The following PILRA variants were observed in gnomAD, a reference collection of about 807,000 sequenced individuals.
PILRA encodes paired immunoglobulin-like type 2 receptor alpha.
A neutral mutation model predicts 33.1 loss-of-function variants in PILRA; 37 were observed. The ratio of observed to expected loss-of-function variants is 1.12; its 90% CI spans 0.86 to 1.47. PILRA has a LOEUF of 1.47. PILRA is among the 40% of genes most tolerant of loss of function. The probability of loss-of-function intolerance (pLI) is 0.00; values close to 1 mark genes in which losing one functional copy is unlikely to be tolerated. For synonymous variants in PILRA, 146 were observed against 149.9 expected, an observed-to-expected ratio of 0.97 and a Z score of 0.19; for missense variants, 312 against 376.2, an observed-to-expected ratio of 0.83 and a Z score of 1.41.
At position 100,394,690 on chromosome 7, in the gene PILRA, G is replaced by A. The variant is rs139905977; in HGVS notation, c.674-3189G>A. On this transcript the variant is annotated intron_variant, in intron 3 of 6. Transcript: ENST00000198536. ...ACAGAGTCTAGAAATAAACCCTTGC[G>A]CATATGGTCAAAAGACTTGACAAGG... Among the ~76,000 whole-genome samples, 275 of 151,572 alleles carry A rather than the reference G, an allele frequency of 1.8e-3. 1 individual carries two copies. The highest frequency in any genetic ancestry group is 6.3e-3 in the African/African-American group (261 of 41,312).
At chr7:100,395,527 T>C (rs1239913665) in intron 3 of PILRA, among the ~76,000 whole-genome samples, 1 of 152,136 alleles carries the variant, frequency 6.6e-6, no homozygotes, top group African/African-American at 2.4e-5. Context: ...AAGAAACAAA[T>C]TTGTTTTTTT....
intron 3 of PILRA, among the ~76,000 whole-genome samples, chr7:100,395,993 G>T (rs1303545895): frequency 6.6e-6 from 1 of 151,952 alleles, no homozygotes. Flanking sequence ...GTGTGGTGGC[G>T]GGCACCTGTA....
At position 100,397,852 on chromosome 7, in the gene PILRA, CCTGA is replaced by C. The variant is rs1317718732; in HGVS notation, c.674-24_674-21del. 4 of 1,612,646 alleles carry C rather than the reference CCTGA, an allele frequency of 2.5e-6. No individual in the cohort carries two copies. The African/African-American group carries it at 4.0e-5, about 16-fold the overall frequency. ...GAGACTGCCATCACCCGGATGCCAC[CCTGA>C]CTCACTGTTGGTCCCCCTACAGGTC... On this transcript the variant is annotated intron_variant, in intron 3 of 6. Coordinates refer to ENST00000198536, the MANE Select transcript of PILRA (RefSeq NM_013439.3).
chr7:100,377,730 A>G (rs1790987764), intron 2 of PILRA, among the ~76,000 whole-genome samples: 1 of 152,090 alleles, frequency 6.6e-6, no homozygotes, highest in Non-Finnish European at 1.5e-5. Flanking sequence ...TGAGTGACAG[A>G]GCAAGGCTTC....
At chr7:100,386,004 A>G (rs1030767574) in intron 2 of PILRA, among the ~76,000 whole-genome samples, 1 of 150,458 alleles carries the variant, frequency 6.6e-6, no homozygotes, top group African/African-American at 2.5e-5. Flanking sequence ...ATCTCAGCTC[A>G]CTGCAATCTC....
intron 5 of PILRA, 24 bp from the exon 6 acceptor site, chr7:100,399,557 G>T (rs1374711651): frequency 6.2e-7 from 1 of 1,613,978 alleles, no homozygotes; most frequent in Non-Finnish European, 8.5e-7. Context: ...CCTGACCTTG[G>T]CACACCTTGC....
intron 3 of PILRA, among the ~76,000 whole-genome samples, chr7:100,396,296 C>G (rs1791491552): frequency 6.6e-6 from 1 of 152,114 alleles, no homozygotes. Flanking sequence ...AGATGTCCAT[C>G]AATGAATGAA....
At position 100,399,783 on chromosome 7, in the gene PILRA, A is replaced by C; in HGVS notation, c.790-2A>C. On this transcript the variant is annotated splice_acceptor_variant, in intron 6 of 6. Transcript: ENST00000198536. LOFTEE classifies it high-confidence loss of function. ...ACCCTTTCTCTCTGGGTTCTCGCCC[A>C]GGATGACGGCATCGTCTATGCTTCC... 6.2e-7 allele frequency: 1 copy of C among 1,610,332 alleles called. No individual in the cohort carries two copies. Among genetic ancestry groups the C allele is most frequent in the South Asian group, 1.1e-5 (1 of 90,642 alleles).
chr7:100,373,345 C>A, upstream of PILRA: 1 of 543,070 alleles, frequency 1.8e-6, no homozygotes, highest in African/African-American at 1.9e-5. Flanking sequence ...AGGTCAGGCC[C>A]AGCCCCCCAA....
chr7:100,398,402 T>C (rs1471457821), intron 4 of PILRA, among the ~76,000 whole-genome samples: 1 of 152,140 alleles, frequency 6.6e-6, no homozygotes, highest in Non-Finnish European at 1.5e-5. Flanking sequence ...GGCTCCCCTC[T>C]CCAGGCTAGG....
At chr7:100,388,749 CAAAAAAAAAAAA>C (rs913179599) in intron 2 of PILRA, among the ~76,000 whole-genome samples, 203 of 12,864 alleles carry the variant, frequency 0.016, 2 homozygotes, top group Middle Eastern at 0.033. Context: ...GCCTCCGTCT[CAAAAAAAAAAAA>C]AAAAAAAAAA....
intron 2 of PILRA, among the ~76,000 whole-genome samples, chr7:100,387,930 T>A (rs1791289832): frequency 6.6e-6 from 1 of 152,160 alleles, no homozygotes; most frequent in South Asian, 2.1e-4. Context: ...TTCCTCTGAG[T>A]TTCTTTACAG....
At chr7:100,381,191 G>A (rs540350619) in intron 2 of PILRA, among the ~76,000 whole-genome samples, 36 of 152,116 alleles carry the variant, frequency 2.4e-4, no homozygotes, top group African/African-American at 5.5e-4. Flanking sequence ...GCGCGAACCC[G>A]GGAGGCAGAG....
intron 3 of PILRA, among the ~76,000 whole-genome samples, chr7:100,392,047 G>A (rs762969777): frequency 1.1e-4 from 16 of 152,254 alleles, no homozygotes; most frequent in African/African-American, 3.6e-4. Flanking sequence ...TCCCGCTCAC[G>A]CCTGTAATCC....
chr7:100,390,257 T>G, intron 3 of PILRA, 151 bp downstream of exon 3: 1 of 671,130 alleles, frequency 1.5e-6, no homozygotes, highest in African/African-American at 1.8e-5. Context: ...CTGAGGTGTC[T>G]GCATTTGTGA....
intron 2 of PILRA, among the ~76,000 whole-genome samples, chr7:100,386,699 T>C (rs1791262467): frequency 1.3e-5 from 2 of 151,818 alleles, no homozygotes; most frequent in African/African-American, 2.4e-5. Flanking sequence ...GTATTTATCA[T>C]AGGGACCAGG....
Position 100,399,279 on chromosome 7 carries a change from G to A in PILRA, c.708-12G>A. Reference sequence around the variant, plus strand: ...CCTCTAACATATTTCCTGTCCTCTTGTTCCCATACAGGGAACCCTTCCAAA... The same window carrying A: ...CCTCTAACATATTTCCTGTCCTCTTATTCCCATACAGGGAACCCTTCCAAA... On this transcript the variant is annotated splice_polypyrimidine_tract_variant and intron_variant, in intron 4 of 6. Transcript: ENST00000198536. 6.2e-7 allele frequency: 1 copy of A among 1,605,196 alleles called. No individual in the cohort carries two copies. The highest frequency in any genetic ancestry group is 8.5e-7 in the Non-Finnish European group (1 of 1,172,786).
In PILRA at chr7:100,389,952, C is replaced by A. The variant is rs778139886; in HGVS notation, c.519C>A (p.Thr173=). 6.2e-7 allele frequency: 1 copy of A among 1,613,992 alleles called. No individual in the cohort carries two copies. Among genetic ancestry groups the A allele is most frequent in the Non-Finnish European group, 8.5e-7 (1 of 1,179,982 alleles). ...CCACCTGGAGGCTCAGTAGCACAAC[C>A]ACCACAACCGGCCTCAGGGTCACAC... ...MTTTWRLSST[T]TTTGLRVTQG... The change falls in exon 3 of 7, where the codon ACC becomes ACA. Residue 173 remains threonine, a synonymous_variant. Transcript: ENST00000198536.
chr7:100,389,562 G>A lies in PILRA; in HGVS notation c.455-326G>A, dbSNP rs574323428. Among the ~76,000 whole-genome samples, 6 of 145,234 alleles carry A rather than the reference G, an allele frequency of 4.1e-5. No homozygotes were observed. In the South Asian group the frequency reaches 1.3e-3, roughly 32 times the overall value. On this transcript the variant is annotated intron_variant, in intron 2 of 6. Transcript: ENST00000198536. ...TTGCCTGTTAAGCTGAATTTGAGGA[G>A]GAAGAAATAAAATTAAAGGAAGGAA...
Sources: allele counts gnomAD v4.1 joint callset (sites outside exome capture counted in the v4.1 genomes callset), GRCh38; gene constraint gnomAD v4.1.1; transcripts MANE v1.5; gene names NCBI Gene and HGNC (gene_info 2026-07-23, HGNC 2026-07-21).